RNF168: variants seen among roughly 807,000 people sequenced by gnomAD.
RNF168 encodes the protein E3 ubiquitin-protein ligase RNF168.
In RNF168, 34 loss-of-function variants were observed where a neutral mutation model predicts 34.9. The ratio of observed to expected loss-of-function variants is 0.97; its 90% CI spans 0.74 to 1.30. RNF168 has a LOEUF of 1.30. Ranked by LOEUF, RNF168 falls within the 50% of genes most tolerant of loss-of-function variation. RNF168 has a pLI of 0.00. For missense variants in RNF168, 725 were observed against 682.5 expected, an observed-to-expected ratio of 1.06 and a Z score of -0.69; for synonymous variants, 264 against 254.7, an observed-to-expected ratio of 1.04 and a Z score of -0.35.
At chr3:196,485,603 A>G (rs1355815198) in intron 3 of RNF168, among the ~76,000 whole-genome samples, 2 of 152,156 alleles carry the variant, frequency 1.3e-5, no homozygotes, top group Admixed American at 6.5e-5. Flanking sequence ...TCCATTGGTC[A>G]ATGACTTTTA....
chr3:196,488,920 C>A (rs1331320509), intron 1 of RNF168, among the ~76,000 whole-genome samples: 1 of 152,092 alleles, frequency 6.6e-6, no homozygotes, highest in Non-Finnish European at 1.5e-5. Flanking sequence ...GGCACAGTCT[C>A]GGCTCACTGC....
At chr3:196,481,521 C>T (rs543563772) in intron 4 of RNF168, among the ~76,000 whole-genome samples, 27 of 152,016 alleles carry the variant, frequency 1.8e-4, no homozygotes, top group African/African-American at 6.5e-4. Context: ...TATCCTTCAA[C>T]AGGTTAAGAA....
rs1732951558 is a variant in RNF168, at chr3:196,503,311, G to A, written c.-138C>T. 2.5e-6 allele frequency: 2 copies of A among 789,836 alleles called. No homozygotes were observed. The highest frequency in any genetic ancestry group is 2.1e-5 in the Admixed American group (1 of 47,634). The allele number at this position is 789,836 out of a possible 1,614,324, so 48.9% of individuals were successfully genotyped here. ...GAAGCGTATCAGAATTCGGAGAACA[G>A]GAGCATCCAACACGTCTTGAAGCAA... On this transcript the variant is annotated 5_prime_UTR_variant, in exon 1 of 6. Transcript: ENST00000318037.
At chr3:196,483,551 G>A (rs1732345186) in intron 4 of RNF168, among the ~76,000 whole-genome samples, 2 of 152,226 alleles carry the variant, frequency 1.3e-5, no homozygotes, top group South Asian at 4.1e-4. Context: ...TCCTGAGGCA[G>A]TAAGATAAAA....
chr3:196,485,063 A>G (rs1732390486), intron 3 of RNF168, among the ~76,000 whole-genome samples: 1 of 152,352 alleles, frequency 6.6e-6, no homozygotes, highest in South Asian at 2.1e-4. Flanking sequence ...ATAATATTTT[A>G]GTTCTGGACT....
chr3:196,503,569 C>G lies in RNF168; in HGVS notation c.-396G>C, dbSNP rs975238429. 1 of 237,154 alleles carries G rather than the reference C, an allele frequency of 4.2e-6. No individual in the cohort carries two copies. Among genetic ancestry groups the G allele is most frequent in the African/African-American group, 2.3e-5 (1 of 43,442 alleles). 14.7% of individuals were successfully genotyped at this position (237,154 alleles called of 1,614,324 possible). On this transcript the variant is annotated 5_prime_UTR_variant, in exon 1 of 6. Coordinates refer to ENST00000318037, the MANE Select transcript of RNF168 (RefSeq NM_152617.4). ...TCCGCTCAGCTCGGGGCAGCCGGGC[C>G]CCGGGACGCGGCTCCGGGAGGAAGC...
chr3:196,495,122 C>T (rs1447911750), intron 1 of RNF168, among the ~76,000 whole-genome samples: 1 of 152,064 alleles, frequency 6.6e-6, no homozygotes, highest in Non-Finnish European at 1.5e-5. Context: ...ATGATAAACC[C>T]CCGTTTAACC....
intron 1 of RNF168, among the ~76,000 whole-genome samples, chr3:196,489,270 T>TA (rs1187448922): frequency 6.6e-6 from 1 of 151,974 alleles, no homozygotes; most frequent in African/African-American, 2.4e-5. Flanking sequence ...AAGGAATTTT[T>TA]AAAAACTGTA....
chr3:196,472,309 T>C lies in RNF168; in HGVS notation c.1226A>G (p.Lys409Arg), dbSNP rs373160074. 11 of 1,613,982 alleles carry C rather than the reference T, an allele frequency of 6.8e-6. No individual in the cohort carries two copies. Among genetic ancestry groups the C allele is most frequent in the African/African-American group, 2.7e-5 (2 of 74,932 alleles). Residue 409 changes from lysine (K) to arginine (R), a missense_variant, in exon 6 of 6, where the codon AAA (lysine) becomes AGA (arginine). Physicochemically the swap from Lys to Arg is conservative, Grantham distance 26. Coordinates refer to ENST00000318037, the MANE Select transcript of RNF168 (RefSeq NM_152617.4). The stretch of plus-strand genomic sequence containing the variant: ...ATCTGGGGAAGATTCGGGGGACACT[T>C]TTCTTCTTTTTGCAGAAAAGCATGG... Reference protein sequence around the residue: ...KDPCFSAKRRKVSPESSPDQE... With the variant: ...KDPCFSAKRRRVSPESSPDQE...
chr3:196,500,306 C>G (rs1467082107), intron 1 of RNF168, among the ~76,000 whole-genome samples: 1 of 152,196 alleles, frequency 6.6e-6, no homozygotes, highest in Non-Finnish European at 1.5e-5. Flanking sequence ...TATACATACA[C>G]TGGAACATTA....
chr3:196,496,734 C>T (rs1271893040), intron 1 of RNF168, among the ~76,000 whole-genome samples: 3 of 152,112 alleles, frequency 2.0e-5, no homozygotes, highest in African/African-American at 4.8e-5. Context: ...CTGGGTGTGG[C>T]GGTTCAGGCC....
At position 196,502,900 on chromosome 3, in the gene RNF168, C is replaced by G. The variant is rs773636371; in HGVS notation, c.274G>C (p.Ala92Pro). The change falls in exon 1 of 6, where the codon GCG becomes CCG. Residue 92 changes from alanine (A) to proline (P), a missense_variant. By Grantham distance (27) the Ala-to-Pro change is conservative. Coordinates refer to ENST00000318037, the MANE Select transcript of RNF168 (RefSeq NM_152617.4). ...KHYPRECKLRASGQESEEVAD... is the reference protein window; with the variant it reads ...KHYPRECKLRPSGQESEEVAD... Reference sequence around the variant, plus strand: ...ACTTCCTCTGATTCTTGGCCAGACGCTCTAAGCTTGCACTCCCTGGGATAG... The same window carrying G: ...ACTTCCTCTGATTCTTGGCCAGACGGTCTAAGCTTGCACTCCCTGGGATAG... The G allele has an allele frequency of 6.2e-7, 1 of 1,614,124 alleles. No individual in the cohort carries two copies. The highest frequency in any genetic ancestry group is 1.7e-5 in the Admixed American group (1 of 60,022).
chr3:196,475,141 C>T (rs1732113854), intron 5 of RNF168, 90 bp downstream of exon 5: 3 of 790,606 alleles, frequency 3.8e-6, no homozygotes, highest in Non-Finnish European at 2.2e-6. Flanking sequence ...ACTATAGGGG[C>T]TTTTGTTAAA....
intron 3 of RNF168, 69 bp downstream of exon 3, chr3:196,487,330 C>T (rs1577516233): frequency 7.9e-7 from 1 of 1,271,382 alleles, no homozygotes; most frequent in East Asian, 2.3e-5. Flanking sequence ...TGACTCTTCC[C>T]ATGAGCGGGT....
intron 1 of RNF168, among the ~76,000 whole-genome samples, chr3:196,494,183 G>C (rs973136684): frequency 6.6e-6 from 1 of 152,170 alleles, no homozygotes; most frequent in South Asian, 2.1e-4. Flanking sequence ...AATTTTATAA[G>C]AAATTTGAAT....
intron 4 of RNF168, among the ~76,000 whole-genome samples, chr3:196,479,792 A>C (rs878874774): frequency 1.3e-5 from 2 of 151,950 alleles, no homozygotes; most frequent in Non-Finnish European, 2.9e-5. Flanking sequence ...GGGTTTCACC[A>C]TGTTGGCCAG....
intron 4 of RNF168, among the ~76,000 whole-genome samples, chr3:196,477,405 A>C (rs1465334000): frequency 6.6e-6 from 1 of 152,238 alleles, no homozygotes; most frequent in Non-Finnish European, 1.5e-5. Flanking sequence ...GGAACAATCA[A>C]ACCTAAACAA....
At chr3:196,487,323 C>T in intron 3 of RNF168, 76 bp downstream of exon 3, 1 of 1,214,226 alleles carries the variant, frequency 8.2e-7, no homozygotes. Flanking sequence ...AAGGAGCTGA[C>T]TCTTCCCATG....
chr3:196,502,825 T>A lies in RNF168; in HGVS notation c.301+48A>T, dbSNP rs1236586422. On this transcript the variant is annotated intron_variant, in intron 1 of 5. Coordinates refer to ENST00000318037, the MANE Select transcript of RNF168 (RefSeq NM_152617.4). ...AATGGAAAAGTGATGATTCACCTTT[T>A]CAAAGACTTGCGGCTTTTGGCCAAC... 3.9e-6 allele frequency: 6 copies of A among 1,526,256 alleles called. No individual in the cohort carries two copies. The African/African-American group carries it at 8.2e-5, about 21-fold the overall frequency. The allele number at this position is 1,526,256 out of a possible 1,614,324, so 94.5% of individuals were successfully genotyped here.
Sources: allele counts gnomAD v4.1 joint callset (sites outside exome capture counted in the v4.1 genomes callset), GRCh38; gene constraint gnomAD v4.1.1; transcripts MANE v1.5; gene names NCBI Gene and HGNC (gene_info 2026-07-23, HGNC 2026-07-21).